Variants in CASK observed in about 807,000 individuals in gnomAD.
CASK encodes calcium/calmodulin dependent serine protein kinase.
CASK carries 4 observed loss-of-function variants against 82.9 expected under a neutral mutation model. That is an observed-to-expected ratio of 0.05 (90% CI 0.02 to 0.11). The LOEUF (loss-of-function observed/expected upper bound fraction) is 0.11. Among genes scored for constraint, CASK ranks in the 10% least tolerant of loss-of-function variants. CASK has a pLI of 1.00. For missense variants in CASK, 358 were observed against 720.9 expected, an observed-to-expected ratio of 0.50 and a Z score of 5.76; for synonymous variants, 259 against 253.5, an observed-to-expected ratio of 1.02 and a Z score of -0.20.
At chrX:41,918,937 T>C (rs923707465) in intron 1 of CASK, among the ~76,000 whole-genome samples, 1 of 112,195 alleles carries the variant, frequency 8.9e-6, no homozygotes, top group African/African-American at 3.2e-5. Context: ...GGCTCTGGCG[T>C]TGATCTTTTT....
chrX:41,647,559 G>A (rs903497819), intron 8 of CASK, among the ~76,000 whole-genome samples: 5 of 111,115 alleles, frequency 4.5e-5, no homozygotes, highest in African/African-American at 1.3e-4. Context: ...AGAATCCTGC[G>A]TCAAAATCGA....
chrX:41,551,034 T>C (rs771427594), intron 21 of CASK, among the ~76,000 whole-genome samples: 88 of 112,656 alleles, frequency 7.8e-4, no homozygotes, highest in Middle Eastern at 4.6e-3. Context: ...ACTTGTTTCC[T>C]TGTGTGCCTG....
chrX:41,564,779 A>G (rs1413909358), intron 16 of CASK, among the ~76,000 whole-genome samples: 1 of 111,695 alleles, frequency 9.0e-6, no homozygotes, highest in Non-Finnish European at 1.9e-5. Context: ...AACAGAATAT[A>G]TATTCTTCTC....
At chrX:41,649,500 A>G (rs1429624676) in intron 8 of CASK, among the ~76,000 whole-genome samples, 1 of 111,666 alleles carries the variant, frequency 9.0e-6, no homozygotes, top group Non-Finnish European at 1.9e-5. Context: ...TTCTGCCTTC[A>G]TTTTGTTATG....
At chrX:41,721,044 T>G (rs908156106) in intron 5 of CASK, among the ~76,000 whole-genome samples, 4 of 111,661 alleles carry the variant, frequency 3.6e-5, no homozygotes, top group African/African-American at 1.3e-4. Context: ...ATCCTAAGGG[T>G]GACAGCAGAA....
At chrX:41,727,231 C>A (rs1234795673) in intron 5 of CASK, 1 of 1,201,598 alleles carries the variant, frequency 8.3e-7, no homozygotes, top group South Asian at 1.8e-5. Flanking sequence ...CAGTGCCATG[C>A]CTTTCATGAG....
chrX:41,833,293 T>C (rs1179133255), intron 2 of CASK, among the ~76,000 whole-genome samples: 1 of 112,010 alleles, frequency 8.9e-6, no homozygotes. Flanking sequence ...ATCTACACAA[T>C]GGAATACTAT....
At chrX:41,677,600 A>G (rs1404871493) in intron 5 of CASK, among the ~76,000 whole-genome samples, 1 of 111,914 alleles carries the variant, frequency 8.9e-6, no homozygotes, top group African/African-American at 3.3e-5. Context: ...GGAGGCAAAA[A>G]TCCCCATTGG....
chrX:41,760,159 C>G, intron 3 of CASK, among the ~76,000 whole-genome samples: 1 of 112,181 alleles, frequency 8.9e-6, no homozygotes, highest in Admixed American at 9.4e-5. Context: ...AGAGCAATAG[C>G]CCCTATTCTG....
intron 3 of CASK, among the ~76,000 whole-genome samples, chrX:41,770,329 C>CT (rs1287780220): frequency 4.6e-5 from 5 of 107,791 alleles, no homozygotes; most frequent in East Asian, 5.8e-4. Flanking sequence ...TCCATCCATC[C>CT]ATCCATCCAT....
intron 5 of CASK, among the ~76,000 whole-genome samples, chrX:41,739,109 A>AT (rs1214336293): frequency 9.0e-6 from 1 of 111,158 alleles, no homozygotes; most frequent in East Asian, 2.8e-4. Context: ...TATTTATTGG[A>AT]TTTTTCATTT....
At chrX:41,861,930 CTATA>C (rs1168592086) in intron 1 of CASK, among the ~76,000 whole-genome samples, 1 of 98,795 alleles carries the variant, frequency 1.0e-5, no homozygotes, top group Non-Finnish European at 2.0e-5. Context: ...TGTATATATA[CTATA>C]TATACTATAT....
chrX:41,578,815 A>G (rs934963924), intron 14 of CASK, among the ~76,000 whole-genome samples: 2 of 111,820 alleles, frequency 1.8e-5, no homozygotes, highest in Admixed American at 1.9e-4. Flanking sequence ...AACATATCTC[A>G]TTCTTTTCCT....
At chrX:41,741,944 A>G (rs2068603667) in intron 4 of CASK, among the ~76,000 whole-genome samples, 1 of 111,755 alleles carries the variant, frequency 8.9e-6, no homozygotes, top group Non-Finnish European at 1.9e-5. Flanking sequence ...AACTCCATGG[A>G]AGGAAAAAGC....
At chrX:41,802,058 C>G (rs2070009947) in intron 2 of CASK, among the ~76,000 whole-genome samples, 1 of 111,187 alleles carries the variant, frequency 9.0e-6, no homozygotes, top group Non-Finnish European at 1.9e-5. Flanking sequence ...TAGTCTTTGT[C>G]TGATCACTGA....
chrX:41,650,006 T>G, intron 8 of CASK, among the ~76,000 whole-genome samples: 1 of 111,618 alleles, frequency 9.0e-6, no homozygotes, highest in East Asian at 2.8e-4. Flanking sequence ...CATTATGTAA[T>G]GGCCTTCTTT....
chrX:41,758,438 A>T (rs1187986236), intron 3 of CASK, among the ~76,000 whole-genome samples: 1 of 107,979 alleles, frequency 9.3e-6, no homozygotes, highest in African/African-American at 3.3e-5. Context: ...TTCATCTCAA[A>T]AAAAAAAAAA....
chrX:41,727,227 C>T, intron 5 of CASK: 1 of 1,198,920 alleles, frequency 8.3e-7, no homozygotes, highest in Non-Finnish European at 1.1e-6. Flanking sequence ...TGTGCAGTGC[C>T]ATGCCTTTCA....
At chrX:41,856,139 A>C (rs751415258) in intron 1 of CASK, among the ~76,000 whole-genome samples, 95 of 112,172 alleles carry the variant, frequency 8.5e-4, no homozygotes, top group Admixed American at 4.4e-3. Flanking sequence ...CCAAAATAAG[A>C]CTAGAATTAA....
Sources: gnomAD v4.1 joint callset for allele counts (sites outside exome capture counted in the v4.1 genomes callset) on GRCh38, gnomAD v4.1.1 for gene constraint, MANE v1.5 for transcripts, NCBI Gene and HGNC (gene_info 2026-07-23, HGNC 2026-07-21) for gene names.